CCDC7: variants seen among roughly 807,000 people sequenced by gnomAD.
CCDC7 encodes coiled-coil domain containing 7.
Under a neutral mutation model 196.9 loss-of-function variants are expected in CCDC7, and 183 were observed. That is an observed-to-expected ratio of 0.93 (90% confidence interval 0.82 to 1.05). The LOEUF (loss-of-function observed/expected upper bound fraction) is 1.05, where lower values mean the gene tolerates loss of function less well. Among genes scored for constraint, CCDC7 ranks in the 50% least tolerant of loss-of-function variants. The pLI is 0.00. For missense variants in CCDC7, 1,540 were observed against 1,482.2 expected (o/e 1.04, Z -0.64); for synonymous variants, 525 against 484.6 (o/e 1.08, Z -1.10).
downstream of CCDC7, among the ~76,000 whole-genome samples, chr10:32,879,299 T>C (rs2094704235): frequency 6.6e-6 from 1 of 152,168 alleles, no homozygotes; most frequent in African/African-American, 2.4e-5. Flanking sequence ...AAAGAGGTGT[T>C]CAGAAAATTC....
chr10:32,656,661 G>A (rs1387562934), intron 20 of CCDC7, among the ~76,000 whole-genome samples: 1 of 152,148 alleles, frequency 6.6e-6, no homozygotes, highest in African/African-American at 2.4e-5. Context: ...TGGGGATTAT[G>A]GGAGCTACAA....
intron 16 of CCDC7, among the ~76,000 whole-genome samples, chr10:32,576,487 A>G (rs1415083848): frequency 2.0e-5 from 3 of 151,900 alleles, no homozygotes; most frequent in Admixed American, 6.6e-5. Context: ...GGTTGTTTTC[A>G]AAAAGGCTGC....
chr10:32,567,914 G>T, intron 15 of CCDC7, 23 bp downstream of exon 16: 1 of 1,601,442 alleles, frequency 6.2e-7, no homozygotes, highest in South Asian at 1.1e-5. Context: ...CCAAAATGGA[G>T]ACAGTAGTAT....
intron 41 of CCDC7, among the ~76,000 whole-genome samples, chr10:32,867,539 T>C (rs1460864522): frequency 6.6e-6 from 1 of 151,168 alleles, no homozygotes; most frequent in African/African-American, 2.4e-5. Context: ...CTTGAATTGA[T>C]AGAAAAATCA....
chr10:32,661,109 G>A (rs1376715988), intron 20 of CCDC7, among the ~76,000 whole-genome samples: 3 of 150,846 alleles, frequency 2.0e-5, no homozygotes, highest in Non-Finnish European at 4.4e-5. Flanking sequence ...AATCTACAAT[G>A]AACTCCAACA....
intron 40 of CCDC7, among the ~76,000 whole-genome samples, chr10:32,852,847 T>G (rs554850627): frequency 1.3e-5 from 2 of 152,252 alleles, no homozygotes; most frequent in Non-Finnish European, 2.9e-5. Context: ...GAAAGTGAAA[T>G]CCATGTTCTT....
At chr10:32,504,796 A>C (rs1459467380) in intron 9 of CCDC7, among the ~76,000 whole-genome samples, 2 of 152,316 alleles carry the variant, frequency 1.3e-5, no homozygotes, top group South Asian at 4.1e-4. Flanking sequence ...CTTCTTAAGT[A>C]TATTAAGACA....
chr10:32,809,578 G>A (rs2086622230), intron 30 of CCDC7, among the ~76,000 whole-genome samples: 1 of 152,134 alleles, frequency 6.6e-6, no homozygotes. Flanking sequence ...GATATGAACA[G>A]ACACTTTTTA....
At chr10:32,487,714 T>C (rs2041409893) in intron 8 of CCDC7, among the ~76,000 whole-genome samples, 1 of 152,260 alleles carries the variant, frequency 6.6e-6, no homozygotes, top group African/African-American at 2.4e-5. Context: ...GTCAGGACCC[T>C]CAGCTGCAGG....
chr10:32,557,181 T>C (rs962308967), intron 13 of CCDC7, among the ~76,000 whole-genome samples: 8 of 152,094 alleles, frequency 5.3e-5, no homozygotes, highest in Non-Finnish European at 1.2e-4. Flanking sequence ...CTATTTTTGC[T>C]TGGCTTTCAT....
At chr10:32,644,086 G>A (rs1175297327) in intron 20 of CCDC7, among the ~76,000 whole-genome samples, 1 of 151,782 alleles carries the variant, frequency 6.6e-6, no homozygotes, top group African/African-American at 2.4e-5. Context: ...TTGACATAAT[G>A]GTACACATTC....
At chr10:32,444,516 T>C, upstream of CCDC7, among the ~76,000 whole-genome samples, 1 of 152,214 alleles carries the variant, frequency 6.6e-6, no homozygotes, top group East Asian at 1.9e-4. Flanking sequence ...CGTTAAGATT[T>C]TACCAACAAA....
intron 20 of CCDC7, among the ~76,000 whole-genome samples, chr10:32,651,672 A>G (rs1390523082): frequency 2.6e-5 from 4 of 152,034 alleles, no homozygotes; most frequent in Non-Finnish European, 5.9e-5. Flanking sequence ...TGTGGAGGAA[A>G]AGTTTATTGC....
At chr10:32,528,786 A>G (rs2049157446) in intron 11 of CCDC7, among the ~76,000 whole-genome samples, 1 of 149,500 alleles carries the variant, frequency 6.7e-6, no homozygotes, top group Non-Finnish European at 1.5e-5. Context: ...ACATTATTCC[A>G]TGGAATACTT....
rs576084299 is a variant in CCDC7, at chr10:32,762,121, C to G, written c.2906-16856C>G. ...TTGGGAAATAATCCACAACTGATAA[C>G]TTCTTCCTGAGGAATAAAGGGTTTG... is the stretch of plus-strand genomic sequence containing the variant. On this transcript the variant is annotated intron_variant, in intron 28 of 41. Coordinates refer to ENST00000639629, the Ensembl canonical transcript of CCDC7. 2.0e-5 allele frequency among the ~76,000 whole-genome samples: 3 copies of G among 152,108 alleles called. No homozygotes were observed. In the South Asian group the frequency reaches 6.2e-4, roughly 32 times the overall value.
Position 32,720,597 on chromosome 10 carries a change from G to A in CCDC7, c.2570-6137G>A, listed in dbSNP as rs573083961. Among the ~76,000 whole-genome samples the A allele has an allele frequency of 2.6e-5, 4 of 152,070 alleles. No homozygotes were observed. The South Asian group carries it at 8.3e-4, about 32-fold the overall frequency. On this transcript the variant is annotated intron_variant, in intron 25 of 41. Transcript: ENST00000639629. ...TTATAATTTAAAAAAGACAACTGGG[G>A]GCTAAGGGAAGGATAACGATTCCCC...
At position 32,477,347 on chromosome 10, in the gene CCDC7, C is replaced by T. The variant is rs113986264; in HGVS notation, c.796+3324C>T. On this transcript the variant is annotated intron_variant, in intron 8 of 41. Transcript: ENST00000639629. ...CCTCCCTAGCAGCTGGGACCACAGGCGTGCGCCACCACGCCCGGCTAATTT... is the reference window on the plus strand; with the variant it reads ...CCTCCCTAGCAGCTGGGACCACAGGTGTGCGCCACCACGCCCGGCTAATTT... 6.6e-3 allele frequency among the ~76,000 whole-genome samples: 1,003 copies of T among 152,160 alleles called. 13 individuals are homozygous for T. Among genetic ancestry groups the T allele is most frequent in the African/African-American group, 0.022 (907 of 41,506 alleles).
At chr10:32,477,866 C>CA (rs1169925038) in intron 8 of CCDC7, among the ~76,000 whole-genome samples, 3 of 151,996 alleles carry the variant, frequency 2.0e-5, no homozygotes, top group Non-Finnish European at 4.4e-5. Context: ...TGTTGGTATC[C>CA]AAAAAATACC....
intron 31 of CCDC7, among the ~76,000 whole-genome samples, chr10:32,817,660 A>G (rs560479695): frequency 3.3e-5 from 5 of 152,334 alleles, no homozygotes; most frequent in Non-Finnish European, 7.3e-5. Context: ...TCTACAAGCC[A>G]GAAGAGAGTG....
Sources: gnomAD v4.1 joint callset for allele counts (sites outside exome capture counted in the v4.1 genomes callset) on GRCh38, gnomAD v4.1.1 for gene constraint, MANE v1.5 for transcripts, NCBI Gene and HGNC (gene_info 2026-07-23, HGNC 2026-07-21) for gene names.